UBE4B: variants seen among roughly 807,000 people sequenced by gnomAD.
UBE4B encodes ubiquitin conjugation factor E4 B.
In UBE4B, 27 loss-of-function variants were observed where a neutral mutation model predicts 148.1. The observed-to-expected ratio is 0.18, with a 90% CI of 0.13 to 0.25. The LOEUF (loss-of-function observed/expected upper bound fraction) is 0.25. Among genes scored for constraint, UBE4B ranks in the 10% least tolerant of loss-of-function variants. UBE4B has a pLI of 1.00. For missense variants in UBE4B, 1,170 were observed against 1,662.4 expected (o/e 0.70, Z 5.15); for synonymous variants, 596 against 619.3 (o/e 0.96, Z 0.56).
intron 25 of UBE4B, 149 bp from the exon 26 acceptor site, chr1:10,178,495 T>C (rs1646460192): frequency 1.5e-6 from 1 of 661,850 alleles, no homozygotes; most frequent in African/African-American, 1.9e-5. Context: ...TAAAGACGGA[T>C]ATATAAAATA....
chr1:10,110,578 G>A (rs1360067836), intron 7 of UBE4B, among the ~76,000 whole-genome samples: 1 of 152,130 alleles, frequency 6.6e-6, no homozygotes, highest in African/African-American at 2.4e-5. Flanking sequence ...TTACCCCATG[G>A]TAAAGGTACC....
At chr1:10,051,093 A>G (rs1195064084) in intron 1 of UBE4B, among the ~76,000 whole-genome samples, 1 of 152,066 alleles carries the variant, frequency 6.6e-6, no homozygotes, top group Non-Finnish European at 1.5e-5. Flanking sequence ...TGCAGCCTCA[A>G]ACTCCTGGGC....
intron 23 of UBE4B, among the ~76,000 whole-genome samples, chr1:10,167,818 C>T (rs1473182608): frequency 6.6e-6 from 1 of 152,008 alleles, no homozygotes; most frequent in Non-Finnish European, 1.5e-5. Context: ...GTCTCGATCT[C>T]GACCTCGTGA....
chr1:10,064,276 TC>T (rs1644343169), intron 1 of UBE4B, among the ~76,000 whole-genome samples: 1 of 152,224 alleles, frequency 6.6e-6, no homozygotes, highest in African/African-American at 2.4e-5. Flanking sequence ...CTGGGATGAT[TC>T]AGTTATTACA....
intron 2 of UBE4B, among the ~76,000 whole-genome samples, chr1:10,094,636 A>G (rs370286154): frequency 9.2e-5 from 14 of 151,744 alleles, no homozygotes; most frequent in East Asian, 1.9e-4. Flanking sequence ...GGGTTTCACC[A>G]TGTTAGCCAG....
chr1:10,048,245 T>C (rs1185864771), intron 1 of UBE4B, among the ~76,000 whole-genome samples: 1 of 152,152 alleles, frequency 6.6e-6, no homozygotes, highest in Non-Finnish European at 1.5e-5. Context: ...TTTACTGAGA[T>C]GGGGAAAATT....
intron 14 of UBE4B, among the ~76,000 whole-genome samples, chr1:10,132,087 A>G (rs1445470970): frequency 2.0e-5 from 3 of 152,076 alleles, no homozygotes; most frequent in South Asian, 4.1e-4. Context: ...CTGAGATTGC[A>G]CCACTGCACT....
chr1:10,035,830 G>T (rs1643502837), intron 1 of UBE4B, among the ~76,000 whole-genome samples: 2 of 150,140 alleles, frequency 1.3e-5, no homozygotes, highest in Non-Finnish European at 3.0e-5. Flanking sequence ...GCAAAGCTCC[G>T]CTTCCCGGGT....
In UBE4B at chr1:10,064,849, C is replaced by T. The variant is rs1410546462; in HGVS notation, c.25-7179C>T. On this transcript the variant is annotated intron_variant, in intron 1 of 27. Coordinates refer to ENST00000343090, the MANE Select transcript of UBE4B (RefSeq NM_001105562.3). ...TGCAATCTCTGCTCACTGCAGCCTCCACCTCCCGGGTTCAAGCAATTCTCC... is the reference window on the plus strand; with the variant it reads ...TGCAATCTCTGCTCACTGCAGCCTCTACCTCCCGGGTTCAAGCAATTCTCC... Among the ~76,000 whole-genome samples the T allele has an allele frequency of 5.3e-5, 8 of 151,958 alleles. No homozygotes were observed. In the South Asian group the frequency reaches 1.0e-3, roughly 20 times the overall value.
intron 1 of UBE4B, chr1:10,054,783 C>CAT (rs1644129173): frequency 8.0e-6 from 1 of 125,398 alleles, no homozygotes. Context: ...TATCTTTCTC[C>CAT]TTTTTTTTTT....
intron 22 of UBE4B, among the ~76,000 whole-genome samples, chr1:10,159,368 T>G (rs1449586538): frequency 6.6e-6 from 1 of 152,112 alleles, no homozygotes. Flanking sequence ...GAATTATTCT[T>G]CAAAAATTTT....
Position 10,071,008 on chromosome 1 carries a change from C to G in UBE4B, c.25-1020C>G, listed in dbSNP as rs374913045. Among the ~76,000 whole-genome samples the G allele has an allele frequency of 4.6e-5, 7 of 152,162 alleles. No individual in the cohort carries two copies. In the South Asian group the frequency reaches 1.5e-3, roughly 32 times the overall value. On this transcript the variant is annotated intron_variant, in intron 1 of 27. Transcript: ENST00000343090. ...CTCACTGCAATTGCCCTCCACCTCC[C>G]GAGTTCAAGTGATTCTCCTGCCTCA...
rs753834283 is a variant in UBE4B, at chr1:10,161,118, T to C, written c.3054-24T>C. 10 of 1,612,974 alleles carry C rather than the reference T, an allele frequency of 6.2e-6. No homozygotes were observed. The highest frequency in any genetic ancestry group is 5.5e-5 in the South Asian group (5 of 90,978). On this transcript the variant is annotated intron_variant, in intron 22 of 27. Transcript: ENST00000343090. The surrounding 1 kb of genome is among the most constrained non-coding windows in gnomAD (Gnocchi z 4.1). Reference sequence around the variant, plus strand: ...TTTGCTTCAGGGAGATGTATGACCATGTACAATATAATTGCCTTTCCAGCT... The same window carrying C: ...TTTGCTTCAGGGAGATGTATGACCACGTACAATATAATTGCCTTTCCAGCT...
chr1:10,096,792 G>A (rs1450212617), intron 3 of UBE4B, among the ~76,000 whole-genome samples: 2 of 152,082 alleles, frequency 1.3e-5, no homozygotes, highest in East Asian at 1.9e-4. Context: ...TGTAATCCCA[G>A]CACTTTGGGA....
At position 10,134,919 on chromosome 1, in the gene UBE4B, A is replaced by AGT. The variant is rs1645652874; in HGVS notation, c.2026-67_2026-66dup. The AGT allele has an allele frequency of 2.2e-6, 3 of 1,365,920 alleles. No individual in the cohort carries two copies. In the Admixed American group the frequency reaches 5.8e-5, roughly 26 times the overall value. The allele number at this position is 1,365,920 out of a possible 1,614,324, so 84.6% of individuals were successfully genotyped here. ...CCCTTCGCTCCAGCCTGGGCAACAG[A>AGT]GTGAGACCCCATCTCAAAAAAAATT... On this transcript the variant is annotated intron_variant, in intron 15 of 27. Coordinates refer to ENST00000343090, the MANE Select transcript of UBE4B (RefSeq NM_001105562.3).
chr1:10,147,497 CA>C (rs1406449706), intron 19 of UBE4B, among the ~76,000 whole-genome samples: 1 of 149,760 alleles, frequency 6.7e-6, no homozygotes, highest in East Asian at 1.9e-4. Flanking sequence ...TGTCCCCACC[CA>C]AAAAAAAAGA....
At chr1:10,075,435 A>G (rs894938360) in intron 2 of UBE4B, among the ~76,000 whole-genome samples, 4 of 152,110 alleles carry the variant, frequency 2.6e-5, no homozygotes, top group South Asian at 4.1e-4. Context: ...TCTCATGCCC[A>G]CCCTTGCTTC....
At chr1:10,037,881 G>A (rs1643600302) in intron 1 of UBE4B, among the ~76,000 whole-genome samples, 1 of 152,000 alleles carries the variant, frequency 6.6e-6, no homozygotes, top group Non-Finnish European at 1.5e-5. Context: ...ACTGTTTTTC[G>A]ACAATGGTAA....
At chr1:10,152,753 A>G (rs555231444) in intron 21 of UBE4B, among the ~76,000 whole-genome samples, 35 of 151,972 alleles carry the variant, frequency 2.3e-4, no homozygotes, top group Non-Finnish European at 4.1e-4. Context: ...AACTGAGATC[A>G]CACCAGTGTG....
Sources: gnomAD v4.1 joint callset for allele counts (sites outside exome capture counted in the v4.1 genomes callset) on GRCh38, gnomAD v4.1.1 for gene constraint, Gnocchi (gnomAD v3.1) non-coding constraint, MANE v1.5 for transcripts, NCBI Gene and HGNC (gene_info 2026-07-23, HGNC 2026-07-21) for gene names.